The following EFR3A variants were observed in gnomAD, a reference collection of about 807,000 sequenced individuals.
The protein encoded by EFR3A is protein EFR3 homolog A.
In EFR3A, 76 loss-of-function variants were observed where a neutral mutation model predicts 104.4. The ratio of observed to expected loss-of-function variants is 0.73; its 90% CI spans 0.60 to 0.88. The LOEUF (loss-of-function observed/expected upper bound fraction) is 0.88. Ranked by LOEUF, EFR3A falls within the 40% of genes least tolerant of loss-of-function variation. The pLI is 0.00. For missense variants in EFR3A, 985 were observed against 1,012.5 expected, an observed-to-expected ratio of 0.97 and a Z score of 0.37; for synonymous variants, 330 against 330.0, an observed-to-expected ratio of 1.00 and a Z score of 0.00.
chr8:131,917,277 G>A (rs568238984), intron 1 of EFR3A, among the ~76,000 whole-genome samples: 4 of 152,342 alleles, frequency 2.6e-5, no homozygotes, highest in Admixed American at 1.3e-4. Flanking sequence ...TTTTCAGTAA[G>A]ATTTCTTTCC....
intron 1 of EFR3A, among the ~76,000 whole-genome samples, chr8:131,917,846 C>T (rs1384377771): frequency 2.0e-5 from 3 of 152,040 alleles, no homozygotes; most frequent in African/African-American, 7.3e-5. Context: ...GTTGGTAATA[C>T]ATTGAATTCT....
rs1820762999 is a variant in EFR3A, at chr8:131,984,238, A to G, written c.1675A>G (p.Thr559Ala). The change falls in exon 15 of 23, where the codon ACT (threonine) becomes GCT (alanine). Residue 559 changes from threonine to alanine, a missense_variant. Coordinates refer to ENST00000254624, the MANE Select transcript of EFR3A (RefSeq NM_015137.6). ...ACTTTATACTTCTCTTGCTCTTATAACTATTGAACTGGCTAATGAAGAAGT... is the reference window on the plus strand; with the variant it reads ...ACTTTATACTTCTCTTGCTCTTATAGCTATTGAACTGGCTAATGAAGAAGT... ...ELLYTSLALI[T>A]IELANEEVVI... The G allele has an allele frequency of 1.2e-6, 2 of 1,610,684 alleles. No homozygotes were observed. The highest frequency in any genetic ancestry group is 2.2e-5 in the East Asian group (1 of 44,718).
At chr8:131,993,767 T>G (rs914670283) in intron 18 of EFR3A, among the ~76,000 whole-genome samples, 3 of 151,792 alleles carry the variant, frequency 2.0e-5, no homozygotes, top group Non-Finnish European at 4.4e-5. Context: ...GCCAGTTGAT[T>G]CCATGTCTTT....
At chr8:132,010,667 A>C in intron 22 of EFR3A, 123 bp from the exon 23 acceptor site, 1 of 1,180,828 alleles carries the variant, frequency 8.5e-7, no homozygotes, top group Non-Finnish European at 1.2e-6. Flanking sequence ...AGTAACTACA[A>C]TGGCATTGAT....
chr8:131,928,701 A>G (rs1817433077), intron 1 of EFR3A, among the ~76,000 whole-genome samples: 1 of 152,122 alleles, frequency 6.6e-6, no homozygotes, highest in Non-Finnish European at 1.5e-5. Context: ...TATTTAGTCC[A>G]TCTTGAAATT....
chr8:132,002,653 G>C lies in EFR3A; in HGVS notation c.2257G>C (p.Glu753Gln). Reference sequence around the variant, plus strand: ...AAAGGAAAAGAGGCGTCTTGTGATAGAGAAATTTCAGAAAGCACCTTTTGA... The same window carrying C: ...AAAGGAAAAGAGGCGTCTTGTGATACAGAAATTTCAGAAAGCACCTTTTGA... ...QEKEKRRLVI[E>Q]KFQKAPFEEI... The change falls in exon 21 of 23, where the codon GAG becomes CAG. Residue 753 changes from glutamate (E) to glutamine (Q), a missense_variant. Transcript: ENST00000254624. The C allele has an allele frequency of 6.2e-7, 1 of 1,613,796 alleles. No individual in the cohort carries two copies. The highest frequency in any genetic ancestry group is 8.5e-7 in the Non-Finnish European group (1 of 1,179,748).
At position 131,946,596 on chromosome 8, in the gene EFR3A, C is replaced by T. The variant is rs143085281; in HGVS notation, c.329C>T (p.Ser110Leu). ...FLHMVAKLLE[S>L]GEPKLQVLGT... is the part of the protein sequence containing the mutation. ...CATATGGTGGCAAAGCTGCTGGAAT[C>T]GGGGGAACCAAAGCTTCAAGTTCTT... The change falls in exon 4 of 23, where the codon TCG (serine) becomes TTG (leucine). Residue 110 changes from serine to leucine, a missense_variant. Physicochemically the swap from Ser to Leu is moderately radical, Grantham distance 145. Coordinates refer to ENST00000254624, the MANE Select transcript of EFR3A (RefSeq NM_015137.6). 75 of 1,603,786 alleles carry T rather than the reference C, an allele frequency of 4.7e-5. No homozygotes were observed. Among genetic ancestry groups the T allele is most frequent in the Non-Finnish European group, 5.9e-5 (69 of 1,175,252 alleles).
In EFR3A at chr8:131,937,532, C is replaced by T. The variant is rs561359501; in HGVS notation, c.11-2967C>T. On this transcript the variant is annotated intron_variant, in intron 1 of 22. Coordinates refer to ENST00000254624, the MANE Select transcript of EFR3A (RefSeq NM_015137.6). ...TCATATTCTTCTAGTGTATCATAAT[C>T]AGAGTTCTGAATTCCACATGCTGTA... Among the ~76,000 whole-genome samples, 279 of 152,200 alleles carry T rather than the reference C, an allele frequency of 1.8e-3. 2 individuals are homozygous for T. The highest frequency in any genetic ancestry group is 6.5e-3 in the African/African-American group (271 of 41,524).
At chr8:132,003,206 C>A (rs201674237) in intron 21 of EFR3A, 30 bp from the exon 22 acceptor site, 123 of 1,583,632 alleles carry the variant, frequency 7.8e-5, no homozygotes, top group Middle Eastern at 1.7e-4. Context: ...AGAAAATAAA[C>A]CATTCTTAAC....
rs749655084 is a variant in EFR3A at position 131,996,391 on chromosome 8, A to G, written c.2066-15A>G. On this transcript the variant is annotated splice_polypyrimidine_tract_variant and intron_variant, in intron 18 of 22. Transcript: ENST00000254624. ...ATTTCTAGCAAATAATGGGAAGAAA[A>G]CAATTTTATTTTAGATGAAGATCGA... 3.3e-6 allele frequency: 5 copies of G among 1,516,832 alleles called. No individual in the cohort carries two copies. Among genetic ancestry groups the G allele is most frequent in the Non-Finnish European group, 4.5e-6 (5 of 1,111,360 alleles). The allele number at this position is 1,516,832 out of a possible 1,614,324, so 94.0% of individuals were successfully genotyped here. A position where few individuals can be genotyped will look rare whatever the true frequency, so the allele number is the denominator to read the frequency against.
chr8:131,968,238 A>G, intron 8 of EFR3A, 57 bp from the exon 9 acceptor site: 1 of 1,532,144 alleles, frequency 6.5e-7, no homozygotes, highest in Non-Finnish European at 8.8e-7. Context: ...ATTCTTAGGA[A>G]TTCTGCCAAG....
chr8:131,930,238 A>AT (rs1383114638), intron 1 of EFR3A, among the ~76,000 whole-genome samples: 1 of 152,074 alleles, frequency 6.6e-6, no homozygotes, highest in Non-Finnish European at 1.5e-5. Context: ...GCAGATATAG[A>AT]TTTGGTGCTT....
At chr8:131,989,924 T>C (rs764032351) in intron 18 of EFR3A, among the ~76,000 whole-genome samples, 5 of 152,346 alleles carry the variant, frequency 3.3e-5, no homozygotes, top group South Asian at 2.1e-4. Flanking sequence ...TTATCTCTTA[T>C]CAACCTAGAA....
intron 9 of EFR3A, among the ~76,000 whole-genome samples, chr8:131,970,218 C>A (rs558070020): frequency 2.5e-4 from 38 of 152,260 alleles, no homozygotes; most frequent in Non-Finnish European, 4.4e-4. Flanking sequence ...TGCCTATACA[C>A]ATTTTTTAAG....
chr8:131,962,394 G>A (rs910751843), intron 8 of EFR3A, among the ~76,000 whole-genome samples: 2 of 151,984 alleles, frequency 1.3e-5, no homozygotes, highest in African/African-American at 2.4e-5. Context: ...AACAAAAAAC[G>A]GCAGGTGTTG....
At chr8:131,979,667 T>C (rs1227892669) in intron 14 of EFR3A, among the ~76,000 whole-genome samples, 1 of 152,150 alleles carries the variant, frequency 6.6e-6, no homozygotes, top group Non-Finnish European at 1.5e-5. Flanking sequence ...GAGTAAAATG[T>C]CTTCCTATAA....
At chr8:131,966,301 G>C (rs2130683987) in intron 8 of EFR3A, among the ~76,000 whole-genome samples, 1 of 152,216 alleles carries the variant, frequency 6.6e-6, no homozygotes, top group South Asian at 2.1e-4. Context: ...ATACTGTGAA[G>C]AGCATGGAGT....
chr8:131,912,052 GCTAGC>G (rs894837195), intron 1 of EFR3A, among the ~76,000 whole-genome samples: 2 of 152,210 alleles, frequency 1.3e-5, no homozygotes, highest in African/African-American at 4.8e-5. Flanking sequence ...GGTTTCTATA[GCTAGC>G]CTTAGGGGAA....
intron 14 of EFR3A, among the ~76,000 whole-genome samples, chr8:131,982,246 G>A (rs1201457302): frequency 2.0e-5 from 3 of 151,910 alleles, no homozygotes; most frequent in African/African-American, 7.2e-5. Flanking sequence ...GCCAGTTTTT[G>A]TAATTTGGGT....
Sources: gnomAD v4.1 joint callset for allele counts (sites outside exome capture counted in the v4.1 genomes callset) on GRCh38, gnomAD v4.1.1 for gene constraint, MANE v1.5 for transcripts, NCBI Gene and HGNC (gene_info 2026-07-23, HGNC 2026-07-21) for gene names.